Variants in KCNQ1OT1 observed in about 807,000 individuals in gnomAD.
KCNQ1OT1 encodes KCNQ1 antisense RNA 2 (non-protein coding).
chr11:2,650,422 G>T, exon 1 of KCNQ1OT1: 1 of 398,538 alleles, frequency 2.5e-6, no homozygotes. Flanking sequence ...GACTTTTCCT[G>T]TACACGCGTC....
chr11:2,644,788 T>A (rs1408815239), exon 1 of KCNQ1OT1: 1 of 398,534 alleles, frequency 2.5e-6, no homozygotes, highest in Non-Finnish European at 4.4e-6. Context: ...AGTAGTGTGA[T>A]CTCCATGGAA....
exon 1 of KCNQ1OT1, chr11:2,649,986 ATTG>A (rs1849732787): frequency 5.0e-6 from 2 of 398,158 alleles, no homozygotes; most frequent in Non-Finnish European, 8.9e-6. Flanking sequence ...ATTCTTTTTT[ATTG>A]TTATTTTTTA....
Position 2,678,878 on chromosome 11 carries a change from C to T in KCNQ1OT1, n.21117G>A, listed in dbSNP as rs1374422885. Reference sequence around the variant, plus strand: ...GGGTGCACAGGAGTTGCCAGCTGGACCCAAGGACCATTTCGTATACATGTA... The same window carrying T: ...GGGTGCACAGGAGTTGCCAGCTGGATCCAAGGACCATTTCGTATACATGTA... On this transcript the variant is annotated non_coding_transcript_exon_variant, in exon 1 of 1. Coordinates refer to ENST00000597346, the Ensembl canonical transcript of KCNQ1OT1. The surrounding 1 kb of genome is among the most constrained non-coding windows in gnomAD (Gnocchi z 4.9). The T allele has an allele frequency of 2.5e-6, 1 of 398,400 alleles. No individual in the cohort carries two copies. Among genetic ancestry groups the T allele is most frequent in the African/African-American group, 2.1e-5 (1 of 48,570 alleles). 24.7% of individuals were successfully genotyped at this position (398,400 alleles called of 1,614,324 possible).
At chr11:2,696,296 G>C (rs1005173347) in exon 1 of KCNQ1OT1, 1 of 398,504 alleles carries the variant, frequency 2.5e-6, no homozygotes. Flanking sequence ...TAGGGGCTCA[G>C]TTAGGAATCC....
chr11:2,674,554 G>A lies in KCNQ1OT1; in HGVS notation n.25441C>T, dbSNP rs1348734918. The A allele has an allele frequency of 1.0e-5, 4 of 398,590 alleles. No homozygotes were observed. The highest frequency in any genetic ancestry group is 2.5e-4 in the South Asian group (2 of 7,848). 24.7% of individuals were successfully genotyped at this position (398,590 alleles called of 1,614,324 possible). On this transcript the variant is annotated non_coding_transcript_exon_variant, in exon 1 of 1. Coordinates refer to ENST00000597346, the Ensembl canonical transcript of KCNQ1OT1. This position sits in a 1 kb window ranked among gnomAD's most constrained non-coding sequence, Gnocchi z 5.9. Reference sequence around the variant, plus strand: ...TTCGGAGGATTTAGACAAATACCTCGAGTGAGTGAATCTGAAGCATGCTAG... The same window carrying A: ...TTCGGAGGATTTAGACAAATACCTCAAGTGAGTGAATCTGAAGCATGCTAG...
Position 2,690,191 on chromosome 11 carries a change from G to A in KCNQ1OT1, n.9804C>T. 2 of 398,786 alleles carry A rather than the reference G, an allele frequency of 5.0e-6. No individual in the cohort carries two copies. Among genetic ancestry groups the A allele is most frequent in the Non-Finnish European group, 8.8e-6 (2 of 226,178 alleles). 24.7% of individuals were successfully genotyped at this position (398,786 alleles called of 1,614,324 possible). A position where few individuals can be genotyped will look rare whatever the true frequency, so the allele number is the denominator to read the frequency against. On this transcript the variant is annotated non_coding_transcript_exon_variant, in exon 1 of 1. Coordinates refer to ENST00000597346, the Ensembl canonical transcript of KCNQ1OT1. This position sits in a 1 kb window ranked among gnomAD's most constrained non-coding sequence, Gnocchi z 5.1. ...TGGAAGGCTGGTCTCTCCAGAGACT[G>A]GGCTAAACTCTGCTGTGTCAAGTGC...
chr11:2,685,625 CA>C, exon 1 of KCNQ1OT1: 3 of 398,668 alleles, frequency 7.5e-6, no homozygotes, highest in Non-Finnish European at 1.3e-5. Flanking sequence ...GTTGCCATTC[CA>C]CTCAGGGTTG....
rs1849751711 is a variant in KCNQ1OT1, at chr11:2,651,213, G to T, written n.48782C>A. On this transcript the variant is annotated non_coding_transcript_exon_variant, in exon 1 of 1. Transcript: ENST00000597346. The surrounding 1 kb of genome is among the most constrained non-coding windows in gnomAD (Gnocchi z 6.1). ...CGACAGCTTCCTGTCACCCTGTCTT[G>T]TGTCAGTCTCACAGCACACACAGCT... 2.5e-6 allele frequency: 1 copy of T among 398,552 alleles called. No individual in the cohort carries two copies. The highest frequency in any genetic ancestry group is 4.4e-5 in the Admixed American group (1 of 22,724). The allele number at this position is 398,552 out of a possible 1,614,324, so 24.7% of individuals were successfully genotyped here. A position where few individuals can be genotyped will look rare whatever the true frequency, so the allele number is the denominator to read the frequency against.
rs1294222260 is a variant in KCNQ1OT1 at position 2,668,645 on chromosome 11, T to C, written n.31350A>G. On this transcript the variant is annotated non_coding_transcript_exon_variant, in exon 1 of 1. Coordinates refer to ENST00000597346, the Ensembl canonical transcript of KCNQ1OT1. The surrounding 1 kb of genome is among the most constrained non-coding windows in gnomAD (Gnocchi z 4.3). The stretch of plus-strand genomic sequence containing the variant: ...TGTTTTATGTTTATTTATGGTCCTA[T>C]ATATCTTTAGATATTCTGGAGTCAT... The C allele has an allele frequency of 2.5e-6, 1 of 398,530 alleles. No individual in the cohort carries two copies. The highest frequency in any genetic ancestry group is 2.1e-5 in the African/African-American group (1 of 48,640). 24.7% of individuals were successfully genotyped at this position (398,530 alleles called of 1,614,324 possible). A position where few individuals can be genotyped will look rare whatever the true frequency, so the allele number is the denominator to read the frequency against.
chr11:2,642,123 T>G lies in KCNQ1OT1; in HGVS notation n.57872A>C. On this transcript the variant is annotated non_coding_transcript_exon_variant, in exon 1 of 1. Transcript: ENST00000597346. This position sits in a 1 kb window ranked among gnomAD's most constrained non-coding sequence, Gnocchi z 4.3. The stretch of plus-strand genomic sequence containing the variant: ...ATTCCAGCTCTTTTTTGGTTCCATC[T>G]GAATTTTAGGATTTTTTCTATTTCC... 2.5e-6 allele frequency: 1 copy of G among 398,504 alleles called. No homozygotes were observed. The highest frequency in any genetic ancestry group is 3.6e-5 in the East Asian group (1 of 28,038). The allele number at this position is 398,504 out of a possible 1,614,324, so 24.7% of individuals were successfully genotyped here. A position where few individuals can be genotyped will look rare whatever the true frequency, so the allele number is the denominator to read the frequency against.
chr11:2,642,495 T>C lies in KCNQ1OT1; in HGVS notation n.57500A>G, dbSNP rs1849594950. The C allele has an allele frequency of 5.0e-6, 2 of 398,086 alleles. 1 individual carries two copies. Among genetic ancestry groups the C allele is most frequent in the South Asian group, 2.5e-4 (2 of 7,854 alleles). 24.7% of individuals were successfully genotyped at this position (398,086 alleles called of 1,614,324 possible). On this transcript the variant is annotated non_coding_transcript_exon_variant, in exon 1 of 1. Transcript: ENST00000597346. This position sits in a 1 kb window ranked among gnomAD's most constrained non-coding sequence, Gnocchi z 4.3. ...TCAGACTGAAGAGTTTTGATTTTTG[T>C]ATTTCATGGTATGAGTTGTAATATC... is the stretch of plus-strand genomic sequence containing the variant.
Position 2,620,482 on chromosome 11 carries a change from C to T in KCNQ1OT1, n.79513G>A, listed in dbSNP as rs1179310130. On this transcript the variant is annotated non_coding_transcript_exon_variant, in exon 1 of 1. Transcript: ENST00000597346. This position sits in a 1 kb window ranked among gnomAD's most constrained non-coding sequence, Gnocchi z 4.5. The stretch of plus-strand genomic sequence containing the variant: ...CCACCCGCCTTGGCCTCCCAAAGTG[C>T]TGGGATTACAGGTGAGAGCTACCGC... The T allele has an allele frequency of 5.8e-6, 2 of 347,580 alleles. No individual in the cohort carries two copies. The highest frequency in any genetic ancestry group is 1.0e-5 in the Non-Finnish European group (2 of 195,258). 21.5% of individuals were successfully genotyped at this position (347,580 alleles called of 1,614,324 possible).
exon 1 of KCNQ1OT1, chr11:2,667,727 A>T (rs1376879268): frequency 7.5e-6 from 3 of 398,724 alleles, no homozygotes; most frequent in Non-Finnish European, 8.8e-6. Flanking sequence ...GTGTCCCCTT[A>T]AGTGAGGGAG....
exon 1 of KCNQ1OT1, chr11:2,648,989 T>TTTTTTTTTTTTTTTTTTTTTG (rs1849714081): frequency 2.9e-6 from 1 of 346,224 alleles, no homozygotes; most frequent in Non-Finnish European, 5.2e-6. Flanking sequence ...TTCTTTTTTT[T>TTTTTTTTTTTTTTTTTTTTTG]TTTTTTTTTT....
chr11:2,647,730 A>G lies in KCNQ1OT1; in HGVS notation n.52265T>C. 2.5e-6 allele frequency: 1 copy of G among 398,398 alleles called. No individual in the cohort carries two copies. The highest frequency in any genetic ancestry group is 4.4e-6 in the Non-Finnish European group (1 of 226,034). 24.7% of individuals were successfully genotyped at this position (398,398 alleles called of 1,614,324 possible). ...TCCTGGTTCAATCTTGGGAGGTTAT[A>G]TATGTCCAGGAATTTATCTCTTTCC... is the stretch of plus-strand genomic sequence containing the variant. On this transcript the variant is annotated non_coding_transcript_exon_variant, in exon 1 of 1. Transcript: ENST00000597346. The surrounding 1 kb of genome is among the most constrained non-coding windows in gnomAD (Gnocchi z 4.0).
Position 2,642,983 on chromosome 11 carries a change from T to G in KCNQ1OT1, n.57012A>C, listed in dbSNP as rs575213264. 5.0e-6 allele frequency: 2 copies of G among 397,968 alleles called. No individual in the cohort carries two copies. Among genetic ancestry groups the G allele is most frequent in the South Asian group, 1.3e-4 (1 of 7,844 alleles). The allele number at this position is 397,968 out of a possible 1,614,324, so 24.7% of individuals were successfully genotyped here. A position where few individuals can be genotyped will look rare whatever the true frequency, so the allele number is the denominator to read the frequency against. The stretch of plus-strand genomic sequence containing the variant: ...ATACAGTTTTGAATGCTCCTCTTAT[T>G]TATTTATAGTTTTATGCTATTGTGG... On this transcript the variant is annotated non_coding_transcript_exon_variant, in exon 1 of 1. Coordinates refer to ENST00000597346, the Ensembl canonical transcript of KCNQ1OT1. The surrounding 1 kb of genome is among the most constrained non-coding windows in gnomAD (Gnocchi z 4.3).
In KCNQ1OT1 at chr11:2,642,269, T is replaced by G; in HGVS notation, n.57726A>C. ...CCATGAGAATGGGATGTTTTTTGTGTGTTCTTTTCAATTTCTTTCATCAGA... is the reference window on the plus strand; with the variant it reads ...CCATGAGAATGGGATGTTTTTTGTGGGTTCTTTTCAATTTCTTTCATCAGA... On this transcript the variant is annotated non_coding_transcript_exon_variant, in exon 1 of 1. Transcript: ENST00000597346. The surrounding 1 kb of genome is among the most constrained non-coding windows in gnomAD (Gnocchi z 4.3). 1 of 398,434 alleles carries G rather than the reference T, an allele frequency of 2.5e-6. No homozygotes were observed. Among genetic ancestry groups the G allele is most frequent in the Non-Finnish European group, 4.4e-6 (1 of 225,946 alleles). The allele number at this position is 398,434 out of a possible 1,614,324, so 24.7% of individuals were successfully genotyped here. A position where few individuals can be genotyped will look rare whatever the true frequency, so the allele number is the denominator to read the frequency against.
exon 1 of KCNQ1OT1, chr11:2,681,199 T>C (rs1407128713): frequency 2.3e-5 from 9 of 398,460 alleles, no homozygotes; most frequent in Non-Finnish European, 4.0e-5. Flanking sequence ...ATTTTTGCAG[T>C]GTTTGTGTTC....
exon 1 of KCNQ1OT1, chr11:2,629,770 T>G (rs1849323071): frequency 2.5e-6 from 1 of 398,406 alleles, no homozygotes; most frequent in Non-Finnish European, 4.4e-6. Context: ...TGAATGCTGA[T>G]TTTGTATCCT....
Sources: allele counts gnomAD v4.1 joint callset, GRCh38; gene constraint gnomAD v4.1.1; non-coding constraint Gnocchi (gnomAD v3.1); transcripts MANE v1.5; gene names NCBI Gene and HGNC (gene_info 2026-07-23, HGNC 2026-07-21).